Variants in RET observed in about 807,000 individuals in gnomAD.
RET encodes the protein proto-oncogene tyrosine-protein kinase receptor Ret.
A neutral mutation model predicts 118.3 loss-of-function variants in RET; 19 were observed. That is an observed-to-expected ratio of 0.16 (90% CI 0.11 to 0.24). RET has a LOEUF of 0.24. Among genes scored for constraint, RET ranks in the 10% least tolerant of loss-of-function variants. RET has a pLI of 1.00. For synonymous variants in RET, 597 were observed against 644.1 expected (o/e 0.93, Z 1.11); for missense variants, 1,219 against 1,502.1 (o/e 0.81, Z 3.12).
In RET at chr10:43,106,445, C is replaced by T. The variant is rs1057521089; in HGVS notation, c.937C>T (p.Arg313Trp). 6 of 1,613,370 alleles carry T rather than the reference C, an allele frequency of 3.7e-6. No homozygotes were observed. Among genetic ancestry groups the T allele is most frequent in the South Asian group, 1.1e-5 (1 of 90,984 alleles). Residue 313 changes from arginine to tryptophan, a missense_variant, in exon 5 of 20, where the codon CGG becomes TGG. Arg to Trp is a moderately radical substitution (Grantham distance 101). This residue lies in a region of RET where 850 missense variants were observed against 969.6 expected (regional missense o/e 0.88). Transcript: ENST00000355710. The surrounding 1 kb of genome is among the most constrained non-coding windows in gnomAD (Gnocchi z 5.1). ...ACCTGCATCAGGGGAGCTGGTGAGG[C>T]GGTACACAAGCACGCTGCTCCCCGG... ...VVPASGELVR[R>W]YTSTLLPGDT... is the part of the protein sequence containing the mutation.
At chr10:43,102,146 G>A (rs1398294794) in intron 2 of RET, among the ~76,000 whole-genome samples, 196 bp from the exon 3 acceptor site, 1 of 152,236 alleles carries the variant, frequency 6.6e-6, no homozygotes, top group Non-Finnish European at 1.5e-5. Flanking sequence ...TAGGCCTGTG[G>A]GGCATTGGTG....
chr10:43,089,615 C>G (rs938247361), intron 1 of RET, among the ~76,000 whole-genome samples: 2 of 152,206 alleles, frequency 1.3e-5, no homozygotes, highest in African/African-American at 4.8e-5. Flanking sequence ...GAGGCAGAAC[C>G]AGGGTGCTCC....
intron 17 of RET, among the ~76,000 whole-genome samples, chr10:43,124,324 G>T (rs187579736): frequency 6.6e-6 from 1 of 152,140 alleles, no homozygotes; most frequent in Non-Finnish European, 1.5e-5. Flanking sequence ...CTGCTGGGGC[G>T]TGGAGGGGGC....
At chr10:43,118,687 C>T (rs770729539) in intron 13 of RET, among the ~76,000 whole-genome samples, 4 of 152,258 alleles carry the variant, frequency 2.6e-5, no homozygotes, top group Non-Finnish European at 4.4e-5. Flanking sequence ...ATCAGAGGGG[C>T]CCCGCGCTAG....
intron 1 of RET, among the ~76,000 whole-genome samples, chr10:43,083,047 C>T (rs1208495039): frequency 6.6e-6 from 1 of 152,226 alleles, no homozygotes; most frequent in Non-Finnish European, 1.5e-5. Flanking sequence ...TCTGCCAGCC[C>T]CAGGAAGCCT....
At chr10:43,097,650 C>G (rs1043036133) in intron 1 of RET, among the ~76,000 whole-genome samples, 11 of 152,194 alleles carry the variant, frequency 7.2e-5, no homozygotes, top group African/African-American at 2.7e-4. Flanking sequence ...CCTCCCACCC[C>G]GAGGGCACTG....
intron 19 of RET, chr10:43,127,053 A>C: frequency 8.0e-7 from 1 of 1,257,302 alleles, no homozygotes; most frequent in Non-Finnish European, 1.0e-6. Context: ...ATCAAGTCAT[A>C]GTACTTCTAC....
In RET at chr10:43,127,186, G is replaced by A. The variant is rs926226454; in HGVS notation, c.3187+464G>A. 8 of 1,089,728 alleles carry A rather than the reference G, an allele frequency of 7.3e-6. No homozygotes were observed. The South Asian group carries it at 2.8e-4, about 38-fold the overall frequency. 67.5% of individuals were successfully genotyped at this position (1,089,728 alleles called of 1,614,324 possible). On this transcript the variant is annotated intron_variant, in intron 19 of 19. Transcript: ENST00000355710. The stretch of plus-strand genomic sequence containing the variant: ...CCCCCAGACCCCTCCTGGGCAGGCA[G>A]GTGCCTCTCAGAGGCCACCCGGCAC...
At chr10:43,115,112 G>A (rs912889515) in intron 11 of RET, among the ~76,000 whole-genome samples, 8 of 152,000 alleles carry the variant, frequency 5.3e-5, no homozygotes, top group Non-Finnish European at 8.8e-5. Flanking sequence ...CCTTGTCCCG[G>A]CCAGGCAGGC....
Position 43,105,159 on chromosome 10 carries a change from C to A in RET, c.833C>A (p.Thr278Asn), listed in dbSNP as rs35118262. ...CCCACCTTCCCCGCGGGCGTCGACACCGCCAGCGCCGTGGTGGAGTTCAAG... is the reference window on the plus strand; with the variant it reads ...CCCACCTTCCCCGCGGGCGTCGACAACGCCAGCGCCGTGGTGGAGTTCAAG... The part of the protein sequence containing the change: ...SAPTFPAGVD[T>N]ASAVVEFKRK... The change falls in exon 4 of 20, where the codon ACC (threonine) becomes AAC (asparagine). Residue 278 changes from threonine to asparagine, a missense_variant. By Grantham distance (65) the Thr-to-Asn change is moderately conservative (BLOSUM62 0). Transcript: ENST00000355710. 6.9e-4 allele frequency: 1,119 copies of A among 1,612,876 alleles called. 14 individuals carry two copies. In the East Asian group the frequency reaches 0.021, roughly 30 times the overall value.
chr10:43,088,123 G>A (rs897431082), intron 1 of RET, among the ~76,000 whole-genome samples: 1 of 151,848 alleles, frequency 6.6e-6, no homozygotes, highest in African/African-American at 2.4e-5. Context: ...AATGGTGAAG[G>A]TGGTGATGGT....
chr10:43,127,607 C>A, intron 19 of RET: 3 of 423,878 alleles, frequency 7.1e-6, no homozygotes, highest in Non-Finnish European at 9.8e-6. Flanking sequence ...GACTCACTGA[C>A]TCCTCACTGG....
Position 43,106,723 on chromosome 10 carries a change from G to A in RET, c.1063+152G>A, listed in dbSNP as rs567980824. ...CTCCACCCTCTGCCCAGCACTTCCTGTGTCTCTGCCAGGCCTGCCCTCCAG... is the reference window on the plus strand; with the variant it reads ...CTCCACCCTCTGCCCAGCACTTCCTATGTCTCTGCCAGGCCTGCCCTCCAG... On this transcript the variant is annotated intron_variant, in intron 5 of 19. Coordinates refer to ENST00000355710, the MANE Select transcript of RET (RefSeq NM_020975.6). The surrounding 1 kb of genome is among the most constrained non-coding windows in gnomAD (Gnocchi z 5.1). 532 of 818,178 alleles carry A rather than the reference G, an allele frequency of 6.5e-4. 6 individuals carry two copies. Among genetic ancestry groups the A allele is most frequent in the South Asian group, 4.5e-3 (271 of 60,030 alleles). The allele number at this position is 818,178 out of a possible 1,614,324, so 50.7% of individuals were successfully genotyped here.
intron 1 of RET, among the ~76,000 whole-genome samples, chr10:43,091,822 C>CAAAAAA (rs60545334): frequency 1.7e-5 from 2 of 114,604 alleles, no homozygotes; most frequent in Non-Finnish European, 1.8e-5. Flanking sequence ...TGTCTACTAT[C>CAAAAAA]AAAAAAAAAA....
At chr10:43,120,348 C>T (rs889897442) in intron 15 of RET, 145 bp downstream of exon 15, 3 of 1,217,086 alleles carry the variant, frequency 2.5e-6, no homozygotes, top group African/African-American at 3.1e-5. Context: ...ATCTTTCTGA[C>T]CCTGGGTCCC....
intron 5 of RET, 53 bp from the exon 6 acceptor site, chr10:43,108,978 A>T (rs534701771): frequency 6.4e-7 from 1 of 1,554,652 alleles, no homozygotes; most frequent in African/African-American, 1.4e-5. Flanking sequence ...TGTGCTACAC[A>T]TGAGGAAGCA....
chr10:43,126,523 G>T, intron 18 of RET, 52 bp from the exon 19 acceptor site: 3 of 1,493,704 alleles, frequency 2.0e-6, no homozygotes, highest in Non-Finnish European at 2.8e-6. Context: ...ATACTGAGTT[G>T]TATCTAGTTG....
chr10:43,100,360 C>A (rs1837609395), intron 1 of RET, 99 bp from the exon 2 acceptor site: 2 of 1,383,716 alleles, frequency 1.4e-6, no homozygotes, highest in Non-Finnish European at 2.0e-6. Flanking sequence ...TGAAAAACTC[C>A]TGCTAAGATC....
intron 1 of RET, among the ~76,000 whole-genome samples, chr10:43,099,553 TAAATAAAA>T (rs1389462828): frequency 2.0e-5 from 3 of 150,848 alleles, no homozygotes; most frequent in African/African-American, 7.4e-5. Context: ...AATAAATAAA[TAAATAAAA>T]ATTACATAGA....
Sources: gnomAD v4.1 joint callset for allele counts (sites outside exome capture counted in the v4.1 genomes callset) on GRCh38, gnomAD v4.1.1 for gene constraint, gnomAD v4.1.1 regional missense constraint, Gnocchi (gnomAD v3.1) non-coding constraint, MANE v1.5 for transcripts, NCBI Gene and HGNC (gene_info 2026-07-23, HGNC 2026-07-21) for gene names.